MALRD1: variants seen among roughly 807,000 people sequenced by gnomAD.
MALRD1 encodes MAM and LDL-receptor class A domain-containing protein 1.
MALRD1 carries 247 observed loss-of-function variants against 242.1 expected under a neutral mutation model. The ratio of observed to expected loss-of-function variants is 1.02; its 90% CI spans 0.92 to 1.13. The LOEUF is 1.13. MALRD1 is among the 50% of genes most tolerant of loss of function. The pLI, the probability that MALRD1 is intolerant of heterozygous loss-of-function variation, is 0.00. For synonymous variants in MALRD1, 995 were observed against 866.6 expected, an observed-to-expected ratio of 1.15 and a Z score of -2.60; for missense variants, 2,989 against 2,533.1, an observed-to-expected ratio of 1.18 and a Z score of -3.86.
intron 29 of MALRD1, among the ~76,000 whole-genome samples, chr10:19,465,655 C>G (rs1283369828): frequency 6.6e-6 from 1 of 152,152 alleles, no homozygotes; most frequent in Non-Finnish European, 1.5e-5. Flanking sequence ...CTCAGCCTCT[C>G]AAGTAGCCAT....
intron 34 of MALRD1, among the ~76,000 whole-genome samples, chr10:19,595,852 T>C (rs1833252334): frequency 6.6e-6 from 1 of 152,174 alleles, no homozygotes; most frequent in South Asian, 2.1e-4. Flanking sequence ...GATTTCCTTT[T>C]TGATCAAGTG....
At chr10:19,728,138 T>C (rs1835123550) in intron 38 of MALRD1, among the ~76,000 whole-genome samples, 1 of 152,174 alleles carries the variant, frequency 6.6e-6, no homozygotes, top group African/African-American at 2.4e-5. Context: ...AATTTGAGAC[T>C]ACTAAAAAAC....
chr10:19,223,850 C>T (rs1446916286), intron 18 of MALRD1, among the ~76,000 whole-genome samples: 1 of 152,198 alleles, frequency 6.6e-6, no homozygotes, highest in Non-Finnish European at 1.5e-5. Flanking sequence ...TTTCCAGCTT[C>T]ATCCATGTCT....
chr10:19,586,862 G>C (rs556409860), intron 33 of MALRD1, among the ~76,000 whole-genome samples: 1 of 152,208 alleles, frequency 6.6e-6, no homozygotes, highest in Non-Finnish European at 1.5e-5. Flanking sequence ...AGACTGCTGC[G>C]TTAGCAATCA....
intron 31 of MALRD1, among the ~76,000 whole-genome samples, chr10:19,513,993 A>G (rs1002628265): frequency 3.3e-5 from 5 of 152,214 alleles, no homozygotes; most frequent in Admixed American, 6.5e-5. Context: ...TAAAGTTACC[A>G]GAAACCTGTA....
intron 29 of MALRD1, among the ~76,000 whole-genome samples, chr10:19,463,381 TGCATCCTC>T (rs1398855469): frequency 3.3e-3 from 19 of 5,738 alleles, no homozygotes; most frequent in African/African-American, 7.2e-3. Flanking sequence ...TATGATACAA[TGCATCCTC>T]TGCATCCTCT....
chr10:19,233,982 G>A (rs1489406667), intron 18 of MALRD1, among the ~76,000 whole-genome samples: 1 of 151,872 alleles, frequency 6.6e-6, no homozygotes, highest in Non-Finnish European at 1.5e-5. Flanking sequence ...TGCTGAATTT[G>A]ATAATTGGTG....
At chr10:19,068,980 A>G (rs1835061609) in intron 2 of MALRD1, among the ~76,000 whole-genome samples, 1 of 152,120 alleles carries the variant, frequency 6.6e-6, no homozygotes, top group Admixed American at 6.6e-5. Context: ...AACATTGCAT[A>G]TAGATAAAAT....
At chr10:19,595,823 T>G (rs1243775060) in intron 34 of MALRD1, among the ~76,000 whole-genome samples, 2 of 152,210 alleles carry the variant, frequency 1.3e-5, no homozygotes, top group Non-Finnish European at 2.9e-5. Context: ...ATGGCTCAAG[T>G]AAAGGGCATA....
At chr10:19,660,615 A>G (rs1226826742) in intron 36 of MALRD1, among the ~76,000 whole-genome samples, 2 of 152,096 alleles carry the variant, frequency 1.3e-5, no homozygotes, top group Non-Finnish European at 2.9e-5. Context: ...TTTTGACTTG[A>G]CTTGCTTTTG....
At position 19,588,501 on chromosome 10, in the gene MALRD1, A is replaced by G. The variant is rs529749289; in HGVS notation, c.5681-6693A>G. Among the ~76,000 whole-genome samples the G allele has an allele frequency of 2.6e-3, 395 of 152,348 alleles. 6 individuals are homozygous for G. The East Asian group carries it at 0.058, about 23-fold the overall frequency. On this transcript the variant is annotated intron_variant, in intron 33 of 39. Transcript: ENST00000454679. ...GAAAACCTGAGTAAAGACCTGGTGA[A>G]GTTGCTGTTGTAGTGATGCAATTAC...
intron 14 of MALRD1, among the ~76,000 whole-genome samples, chr10:19,193,001 A>G (rs899713332): frequency 2.8e-4 from 42 of 151,926 alleles, no homozygotes; most frequent in African/African-American, 9.9e-4. Flanking sequence ...GGGTGTGCCT[A>G]TGTGGGTTTT....
At chr10:19,227,705 C>A (rs1332524247) in intron 18 of MALRD1, among the ~76,000 whole-genome samples, 1 of 151,844 alleles carries the variant, frequency 6.6e-6, no homozygotes, top group African/African-American at 2.4e-5. Flanking sequence ...TTAAATATGT[C>A]TGATAAAGAA....
intron 4 of MALRD1, among the ~76,000 whole-genome samples, chr10:19,097,392 T>A (rs1836080976): frequency 6.6e-6 from 1 of 152,214 alleles, no homozygotes; most frequent in Non-Finnish European, 1.5e-5. Flanking sequence ...GTATGACTCA[T>A]TAAATATTCT....
At chr10:19,345,641 T>C (rs924194495) in intron 24 of MALRD1, among the ~76,000 whole-genome samples, 1 of 152,164 alleles carries the variant, frequency 6.6e-6, no homozygotes, top group Non-Finnish European at 1.5e-5. Flanking sequence ...ATTCTCTCCA[T>C]TTGATGACAT....
intron 7 of MALRD1, among the ~76,000 whole-genome samples, 195 bp from the exon 8 acceptor site, chr10:19,128,026 A>G (rs1837336649): frequency 6.6e-6 from 1 of 152,182 alleles, no homozygotes; most frequent in African/African-American, 2.4e-5. Context: ...ATTTCTCTAC[A>G]TATTGGAAAT....
intron 21 of MALRD1, among the ~76,000 whole-genome samples, chr10:19,304,678 T>A (rs1480931314): frequency 6.6e-6 from 1 of 151,690 alleles, no homozygotes; most frequent in East Asian, 1.9e-4. Flanking sequence ...GTTTGAAAAA[T>A]GTTTCATCAT....
chr10:19,290,850 C>A (rs1253196242), intron 21 of MALRD1, among the ~76,000 whole-genome samples: 2 of 152,082 alleles, frequency 1.3e-5, no homozygotes, highest in Non-Finnish European at 2.9e-5. Flanking sequence ...ATTTGCAGGT[C>A]TTGTGTAATG....
chr10:19,607,422 C>T (rs1838690794), intron 34 of MALRD1, among the ~76,000 whole-genome samples: 1 of 152,094 alleles, frequency 6.6e-6, no homozygotes, highest in Admixed American at 6.6e-5. Flanking sequence ...CATTGCATCC[C>T]TGATGTCTCT....
Sources: allele counts gnomAD v4.1 joint callset (sites outside exome capture counted in the v4.1 genomes callset), GRCh38; gene constraint gnomAD v4.1.1; transcripts MANE v1.5; gene names NCBI Gene and HGNC (gene_info 2026-07-23, HGNC 2026-07-21).